FBN1: variants seen among roughly 807,000 people sequenced by gnomAD.
FBN1 encodes the protein fibrillin 1, also known as fibrillin-1.
A neutral mutation model predicts 365.1 loss-of-function variants in FBN1; 29 were observed. The observed-to-expected ratio is 0.08, with a 90% CI of 0.06 to 0.11. The LOEUF (loss-of-function observed/expected upper bound fraction) is 0.11, where lower values mean the gene tolerates loss of function less well. FBN1 is among the 10% of genes least tolerant of loss of function. The pLI is 1.00. For missense variants in FBN1, 2,476 were observed against 3,703.2 expected (o/e 0.67, Z 8.60); for synonymous variants, 1,210 against 1,270.5 (o/e 0.95, Z 1.01).
chr15:48,546,336 C>T (rs1411513595), intron 6 of FBN1, among the ~76,000 whole-genome samples: 1 of 152,188 alleles, frequency 6.6e-6, no homozygotes, highest in Non-Finnish European at 1.5e-5. Flanking sequence ...TAATTGGGTA[C>T]ACCTGCCTTG....
chr15:48,511,611 C>G (rs926668810), intron 13 of FBN1, among the ~76,000 whole-genome samples: 7 of 152,224 alleles, frequency 4.6e-5, no homozygotes. Flanking sequence ...CCTTCTATCC[C>G]CTTCTACTCG....
intron 5 of FBN1, among the ~76,000 whole-genome samples, chr15:48,598,997 T>C (rs964709877): frequency 6.6e-6 from 1 of 152,182 alleles, no homozygotes; most frequent in African/African-American, 2.4e-5. Context: ...CTGCCATCCA[T>C]GTAAGACGTG....
chr15:48,543,809 T>C (rs1316256861), intron 6 of FBN1, among the ~76,000 whole-genome samples: 1 of 152,206 alleles, frequency 6.6e-6, no homozygotes, highest in East Asian at 1.9e-4. Flanking sequence ...CACTGCAGAA[T>C]TGTTGTTTTT....
At chr15:48,525,271 G>C (rs537666291) in intron 9 of FBN1, among the ~76,000 whole-genome samples, 1 of 152,192 alleles carries the variant, frequency 6.6e-6, no homozygotes, top group South Asian at 2.1e-4. Flanking sequence ...ATTTTTAGTA[G>C]AGACAGGGTT....
intron 54 of FBN1, among the ~76,000 whole-genome samples, chr15:48,434,064 C>T (rs991761011): frequency 2.2e-4 from 33 of 152,296 alleles, no homozygotes; most frequent in African/African-American, 7.9e-4. Flanking sequence ...CTGCTCTAGA[C>T]ACTCCCTCCC....
intron 6 of FBN1, among the ~76,000 whole-genome samples, chr15:48,563,108 C>A (rs1436091898): frequency 6.6e-6 from 1 of 152,198 alleles, no homozygotes; most frequent in African/African-American, 2.4e-5. Context: ...TACTCATAGT[C>A]CTGTCTAGAA....
chr15:48,529,899 A>G (rs2043953548), intron 8 of FBN1, among the ~76,000 whole-genome samples: 1 of 143,992 alleles, frequency 6.9e-6, no homozygotes, highest in Non-Finnish European at 1.5e-5. Flanking sequence ...ATTCTTATCC[A>G]TGCTGCATCC....
intron 6 of FBN1, among the ~76,000 whole-genome samples, chr15:48,542,874 G>A (rs759153510): frequency 1.1e-4 from 16 of 149,380 alleles, no homozygotes; most frequent in East Asian, 4.0e-4. Flanking sequence ...AAGAGTACTC[G>A]TGTGCCATGA....
intron 22 of FBN1, 53 bp downstream of exon 22, chr15:48,495,070 T>C: frequency 6.2e-7 from 1 of 1,611,422 alleles, no homozygotes; most frequent in South Asian, 1.1e-5. Context: ...CTTCCCCTTT[T>C]TATGCAAAGA....
intron 57 of FBN1, 85 bp downstream of exon 57, chr15:48,428,261 C>A: frequency 1.3e-6 from 2 of 1,522,516 alleles, no homozygotes; most frequent in South Asian, 2.3e-5. Context: ...TTGACATTTT[C>A]TTGTATTTTA....
At chr15:48,468,188 A>G in intron 37 of FBN1, 86 bp from the exon 38 acceptor site, 1 of 1,542,208 alleles carries the variant, frequency 6.5e-7, no homozygotes, top group South Asian at 1.1e-5. Context: ...GAACTGTTCA[A>G]AAACCGTAAT....
chr15:48,488,043 T>C (rs1005870119), intron 27 of FBN1, 70 bp downstream of exon 27: 47 of 1,600,970 alleles, frequency 2.9e-5, no homozygotes, highest in Admixed American at 1.8e-4. Flanking sequence ...ACCTGGAACA[T>C]AGGCTATGAG....
rs948314629 is a variant in FBN1 at position 48,510,246 on chromosome 15, T to C, written c.1589-77A>G. The C allele has an allele frequency of 5.5e-6, 8 of 1,451,592 alleles. No homozygotes were observed. In the African/African-American group the frequency reaches 1.1e-4, roughly 20 times the overall value. 89.9% of individuals were successfully genotyped at this position (1,451,592 alleles called of 1,614,324 possible). On this transcript the variant is annotated intron_variant, in intron 13 of 65. Coordinates refer to ENST00000316623, the MANE Select transcript of FBN1 (RefSeq NM_000138.5). ...TTATTTTATTTCCCCCTCCCTCCAT[T>C]TGCAAACTCATGATCTTGGCTTTTG...
chr15:48,578,917 T>C (rs546668061), intron 6 of FBN1, among the ~76,000 whole-genome samples: 248 of 142,244 alleles, frequency 1.7e-3, no homozygotes, highest in South Asian at 3.4e-3. Flanking sequence ...GATGACGAGT[T>C]AGTGGGTGCA....
At chr15:48,489,753 C>T (rs2043540064) in intron 25 of FBN1, 98 bp downstream of exon 25, 1 of 972,128 alleles carries the variant, frequency 1.0e-6, no homozygotes, top group African/African-American at 1.6e-5. Context: ...AGCAAAAAGT[C>T]CATGCTGGGA....
intron 9 of FBN1, among the ~76,000 whole-genome samples, chr15:48,524,509 A>G (rs1181587770): frequency 1.3e-5 from 2 of 152,206 alleles, no homozygotes; most frequent in South Asian, 2.1e-4. Flanking sequence ...TAGGAGCACC[A>G]GAAGGCAGAA....
intron 6 of FBN1, among the ~76,000 whole-genome samples, chr15:48,544,679 T>C (rs2044081672): frequency 6.6e-6 from 1 of 152,238 alleles, no homozygotes; most frequent in African/African-American, 2.4e-5. Context: ...CAGCAAATTG[T>C]TACCACATTT....
At chr15:48,576,688 G>C (rs977889594) in intron 6 of FBN1, among the ~76,000 whole-genome samples, 2 of 152,178 alleles carry the variant, frequency 1.3e-5, no homozygotes, top group African/African-American at 4.8e-5. Context: ...TTTATCAAGA[G>C]CCTACTAAGT....
In FBN1 at chr15:48,442,019, C is replaced by T. The variant is rs2278186; in HGVS notation, c.6038-173G>A. Among the ~76,000 whole-genome samples, 3,318 of 152,266 alleles carry T rather than the reference C, an allele frequency of 0.022. 67 individuals carry two copies. The highest frequency in any genetic ancestry group is 0.083 in the East Asian group (431 of 5,188). On this transcript the variant is annotated intron_variant, in intron 49 of 65. Transcript: ENST00000316623. The stretch of plus-strand genomic sequence containing the variant: ...CTGGACTTCTAGGTTGTCATGACTT[C>T]AAAAGAATTAGTTTTGACAGTTATT...
Sources: allele counts gnomAD v4.1 joint callset (sites outside exome capture counted in the v4.1 genomes callset), GRCh38; gene constraint gnomAD v4.1.1; transcripts MANE v1.5; gene names NCBI Gene and HGNC (gene_info 2026-07-23, HGNC 2026-07-21).